Variants in THSD7A observed in about 807,000 individuals in gnomAD.
THSD7A encodes thrombospondin type 1 domain containing 7A, also known as thrombospondin type-1 domain-containing protein 7A.
A neutral mutation model predicts 231.3 loss-of-function variants in THSD7A; 96 were observed. The ratio of observed to expected loss-of-function variants is 0.41; its 90% CI spans 0.35 to 0.49. The LOEUF (loss-of-function observed/expected upper bound fraction) is 0.49. Ranked by LOEUF, THSD7A falls within the 20% of genes least tolerant of loss-of-function variation. The pLI is 0.05. For missense variants in THSD7A, 2,290 were observed against 2,070.2 expected, an observed-to-expected ratio of 1.11 and a Z score of -2.06; for synonymous variants, 940 against 743.3, an observed-to-expected ratio of 1.26 and a Z score of -4.30.
At chr7:11,622,597 A>T (rs1222411467) in intron 2 of THSD7A, among the ~76,000 whole-genome samples, 1 of 152,110 alleles carries the variant, frequency 6.6e-6, no homozygotes, top group Non-Finnish European at 1.5e-5. Context: ...AGTGTCAAAT[A>T]TGACTTAGTT....
chr7:11,789,923 A>G (rs950681278), intron 1 of THSD7A, among the ~76,000 whole-genome samples: 39 of 151,928 alleles, frequency 2.6e-4, no homozygotes, highest in African/African-American at 6.8e-4. Context: ...CGTGTCTCCA[A>G]TTTTGTGTTC....
chr7:11,425,731 T>TACACACACACACACACACACAC (rs3086973), intron 15 of THSD7A, among the ~76,000 whole-genome samples: 6 of 145,706 alleles, frequency 4.1e-5, no homozygotes, highest in African/African-American at 1.3e-4. Flanking sequence ...TCCCTTATTT[T>TACACACACACACACACACACAC]ACACACACAC....
intron 18 of THSD7A, among the ~76,000 whole-genome samples, chr7:11,412,188 G>T (rs1783809265): frequency 6.6e-6 from 1 of 152,072 alleles, no homozygotes; most frequent in Non-Finnish European, 1.5e-5. Context: ...ATTTTTACCT[G>T]CACCTTTTAT....
At chr7:11,412,890 C>T (rs1783833292) in intron 17 of THSD7A, 90 bp from the exon 18 acceptor site, 17 of 1,441,070 alleles carry the variant, frequency 1.2e-5, no homozygotes, top group South Asian at 8.0e-5. Flanking sequence ...GGAGTTAGAA[C>T]ATTTGGGCCA....
At chr7:11,643,277 G>A (rs1782156040) in intron 1 of THSD7A, among the ~76,000 whole-genome samples, 1 of 151,894 alleles carries the variant, frequency 6.6e-6, no homozygotes, top group Admixed American at 6.6e-5. Flanking sequence ...TCTGTCTCTT[G>A]AATGCTACAG....
intron 1 of THSD7A, among the ~76,000 whole-genome samples, chr7:11,769,132 TATA>T (rs1783129005): frequency 2.4e-5 from 1 of 41,990 alleles, no homozygotes; most frequent in Non-Finnish European, 5.4e-5. Flanking sequence ...AATATATATA[TATA>T]TATATATATA....
At chr7:11,807,833 C>T (rs1199402002) in intron 1 of THSD7A, among the ~76,000 whole-genome samples, 1 of 151,952 alleles carries the variant, frequency 6.6e-6, no homozygotes, top group African/African-American at 2.4e-5. Context: ...TTGTTTTTGC[C>T]AAAAATGTTG....
At chr7:11,756,224 T>C (rs115716388) in intron 1 of THSD7A, among the ~76,000 whole-genome samples, 2,469 of 152,174 alleles carry the variant, frequency 0.016, 52 homozygotes, top group African/African-American at 0.056. Flanking sequence ...CTCATAAATC[T>C]ATTAATTTAA....
intron 7 of THSD7A, among the ~76,000 whole-genome samples, chr7:11,476,278 G>T (rs1786172194): frequency 6.7e-6 from 1 of 150,008 alleles, no homozygotes; most frequent in East Asian, 2.0e-4. Flanking sequence ...ATTAAAAAGT[G>T]AATCACTTTT....
intron 1 of THSD7A, among the ~76,000 whole-genome samples, chr7:11,724,314 G>A (rs1781470692): frequency 6.6e-6 from 1 of 151,858 alleles, no homozygotes; most frequent in Non-Finnish European, 1.5e-5. Flanking sequence ...AAGTCTTCCT[G>A]CAGCCAAGCC....
intron 1 of THSD7A, among the ~76,000 whole-genome samples, chr7:11,747,029 G>T (rs1782329615): frequency 6.6e-6 from 1 of 151,816 alleles, no homozygotes; most frequent in Non-Finnish European, 1.5e-5. Flanking sequence ...TATTTTGATA[G>T]TCTCATCAAT....
chr7:11,396,608 T>C (rs892260545), intron 23 of THSD7A, among the ~76,000 whole-genome samples: 1 of 152,102 alleles, frequency 6.6e-6, no homozygotes, highest in African/African-American at 2.4e-5. Flanking sequence ...AAGAGACCAA[T>C]AACAAGTTCT....
At chr7:11,773,011 C>G (rs2355084) in intron 1 of THSD7A, among the ~76,000 whole-genome samples, 37,771 of 151,990 alleles carry the variant, frequency 0.25, 4,878 homozygotes, top group Middle Eastern at 0.39. Context: ...GATAGTCATA[C>G]AGAAATCAAC....
Position 11,542,999 on chromosome 7 carries a change from A to G in THSD7A, c.1572T>C (p.Cys524=), listed in dbSNP as rs775763045. ...GCTGATCATTACAGTTTTCATAAGT[A>G]CAAGGTCCCCAAGCTGACCAAGGTG... ...EVSPWSAWGP[C]TYENCNDQQG... is the part of the protein sequence containing the mutation. The change falls in exon 5 of 28, where the codon TGT becomes TGC. Residue 524 remains cysteine (C), a synonymous_variant. Coordinates refer to ENST00000423059, the MANE Select transcript of THSD7A (RefSeq NM_015204.3). 15 of 1,613,768 alleles carry G rather than the reference A, an allele frequency of 9.3e-6. No homozygotes were observed. In the East Asian group the frequency reaches 2.0e-4, roughly 22 times the overall value.
chr7:11,522,611 G>A (rs1788311609), intron 6 of THSD7A, among the ~76,000 whole-genome samples: 1 of 146,122 alleles, frequency 6.8e-6, no homozygotes, highest in Middle Eastern at 3.2e-3. Context: ...AGAGAATTTT[G>A]TATCACTAAT....
rs187655427 is a variant in THSD7A at position 11,756,706 on chromosome 7, G to A, written c.190+75051C>T. Among the ~76,000 whole-genome samples the A allele has an allele frequency of 6.3e-3, 961 of 152,174 alleles. 11 individuals are homozygous for A. The highest frequency in any genetic ancestry group is 0.022 in the African/African-American group (921 of 41,548). On this transcript the variant is annotated intron_variant, in intron 1 of 27. Transcript: ENST00000423059. Reference sequence around the variant, plus strand: ...TTGCTTGTTTCTATCGGTTTATTAAGCTCTGCAGTAAGCTGAGAATATTTA... The same window carrying A: ...TTGCTTGTTTCTATCGGTTTATTAAACTCTGCAGTAAGCTGAGAATATTTA...
intron 22 of THSD7A, among the ~76,000 whole-genome samples, chr7:11,405,002 A>T (rs1047262096): frequency 5.9e-5 from 9 of 152,118 alleles, no homozygotes; most frequent in Non-Finnish European, 1.0e-4. Flanking sequence ...GAAAATATCC[A>T]TGTGTGCAAA....
intron 5 of THSD7A, 125 bp from the exon 6 acceptor site, chr7:11,541,756 C>A: frequency 2.4e-6 from 2 of 826,126 alleles, no homozygotes; most frequent in Admixed American, 2.3e-5. Context: ...TGTTTTGAGT[C>A]ACTGGTGTAT....
chr7:11,584,921 G>C (rs1383452249), intron 4 of THSD7A, among the ~76,000 whole-genome samples: 2 of 152,122 alleles, frequency 1.3e-5, no homozygotes, highest in African/African-American at 4.8e-5. Flanking sequence ...TTAAGGAAGT[G>C]GGGGTGGATA....
Sources: gnomAD v4.1 joint callset for allele counts (sites outside exome capture counted in the v4.1 genomes callset) on GRCh38, gnomAD v4.1.1 for gene constraint, MANE v1.5 for transcripts, NCBI Gene and HGNC (gene_info 2026-07-23, HGNC 2026-07-21) for gene names.